Variants in GAS7 observed in about 807,000 individuals in gnomAD.
GAS7 encodes the protein growth arrest-specific protein 7.
GAS7 carries 28 observed loss-of-function variants against 71.1 expected under a neutral mutation model. The observed-to-expected ratio is 0.39, with a 90% CI of 0.29 to 0.54. The LOEUF (loss-of-function observed/expected upper bound fraction) is 0.54. Among genes scored for constraint, GAS7 ranks in the 20% least tolerant of loss-of-function variants. The pLI, the probability that GAS7 is intolerant of heterozygous loss-of-function variation, is 0.62. For synonymous variants in GAS7, 258 were observed against 245.8 expected, an observed-to-expected ratio of 1.05 and a Z score of -0.46; for missense variants, 436 against 627.8, an observed-to-expected ratio of 0.69 and a Z score of 3.27.
chr17:9,989,502 A>ACATGTG (rs1225236672), intron 2 of GAS7, among the ~76,000 whole-genome samples: 6 of 152,168 alleles, frequency 3.9e-5, no homozygotes, highest in Non-Finnish European at 5.9e-5. Flanking sequence ...AGACACATGC[A>ACATGTG]CATGTGTATA....
At chr17:9,960,017 G>A (rs2069417219) in intron 4 of GAS7, among the ~76,000 whole-genome samples, 1 of 152,044 alleles carries the variant, frequency 6.6e-6, no homozygotes, top group Non-Finnish European at 1.5e-5. Flanking sequence ...GTTTGATTCT[G>A]GGTCTCTGTT....
intron 2 of GAS7, among the ~76,000 whole-genome samples, chr17:9,982,824 G>GGAAAGAAAGGAA (rs1555611352): frequency 8.6e-6 from 1 of 116,184 alleles, no homozygotes; most frequent in Non-Finnish European, 1.7e-5. Context: ...AGGAAAGAAA[G>GGAAAGAAAGGAA]GAAAGAAAGA....
chr17:10,156,714 A>AGCAGGCT (rs904531421), intron 1 of GAS7, among the ~76,000 whole-genome samples: 2 of 152,110 alleles, frequency 1.3e-5, no homozygotes, highest in Non-Finnish European at 2.9e-5. Context: ...GTTCCCTCCT[A>AGCAGGCT]GCAGGCTGCA....
chr17:10,069,478 CACT>C lies in GAS7; in HGVS notation c.184-49584_184-49582del, dbSNP rs60025467. On this transcript the variant is annotated intron_variant, in intron 1 of 13. Transcript: ENST00000432992. Reference sequence around the variant, plus strand: ...AATAAACACTTCACATAATAACCACCACTACTATGATGTTGGGTCAGGCCTTGG... The same window carrying C: ...AATAAACACTTCACATAATAACCACCACTATGATGTTGGGTCAGGCCTTGG... Among the ~76,000 whole-genome samples the C allele has an allele frequency of 8.7e-3, 1,324 of 152,318 alleles. 25 individuals are homozygous for C. Among genetic ancestry groups the C allele is most frequent in the African/African-American group, 0.03 (1,262 of 41,562 alleles).
chr17:9,912,029 G>A lies in GAS7; in HGVS notation c.*5199C>T, dbSNP rs1446920548. The A allele has an allele frequency of 4.3e-6, 1 of 232,096 alleles. No individual in the cohort carries two copies. Among genetic ancestry groups the A allele is most frequent in the Non-Finnish European group, 8.5e-6 (1 of 117,420 alleles). 14.4% of individuals were successfully genotyped at this position (232,096 alleles called of 1,614,324 possible). On this transcript the variant is annotated 3_prime_UTR_variant, in exon 14 of 14. Transcript: ENST00000432992. ...TAGGCAAGGCTCCAGCTGCGACAAG[G>A]ACTCCATCTTCACGCCTGTCCTGGC...
intron 1 of GAS7, among the ~76,000 whole-genome samples, chr17:10,071,983 T>C (rs1427350250): frequency 6.6e-6 from 1 of 151,050 alleles, no homozygotes; most frequent in African/African-American, 2.4e-5. Context: ...GATTCAGTTG[T>C]CTCTTGAAAA....
In GAS7 at chr17:9,935,013, A is replaced by G. The variant is rs142880149; in HGVS notation, c.807-769T>C. Among the ~76,000 whole-genome samples the G allele has an allele frequency of 7.7e-4, 117 of 152,282 alleles. 1 individual carries two copies. The highest frequency in any genetic ancestry group is 2.7e-3 in the African/African-American group (113 of 41,562). On this transcript the variant is annotated intron_variant, in intron 8 of 13. Transcript: ENST00000432992. ...AGGGGTTACCTCGGCCTCCCAAAGT[A>G]CTGGGATTACAGGCATAAGCCACCA...
At chr17:10,024,464 A>G (rs554603175) in intron 1 of GAS7, among the ~76,000 whole-genome samples, 63 of 152,342 alleles carry the variant, frequency 4.1e-4, no homozygotes, top group Admixed American at 1.3e-3. Flanking sequence ...GAGGTGACAC[A>G]GGCCCGGGGG....
chr17:9,977,392 C>A (rs934123403), intron 3 of GAS7, among the ~76,000 whole-genome samples: 6 of 152,158 alleles, frequency 3.9e-5, no homozygotes, highest in African/African-American at 1.4e-4. Context: ...ACATGAAACT[C>A]CCAGCATCTC....
At chr17:10,193,475 C>T (rs2074517497) in intron 1 of GAS7, among the ~76,000 whole-genome samples, 1 of 152,208 alleles carries the variant, frequency 6.6e-6, no homozygotes, top group South Asian at 2.1e-4. Flanking sequence ...CCCTCATAAC[C>T]GCACCTGTAC....
intron 11 of GAS7, among the ~76,000 whole-genome samples, 170 bp downstream of exon 11, chr17:9,925,306 T>TG (rs1240817440): frequency 1.3e-5 from 2 of 152,158 alleles, no homozygotes; most frequent in African/African-American, 4.8e-5. Flanking sequence ...TCTCTGGGTG[T>TG]GGGTCAGAGA....
chr17:10,123,472 A>G (rs554177237), intron 1 of GAS7, among the ~76,000 whole-genome samples: 1 of 152,334 alleles, frequency 6.6e-6, no homozygotes, highest in South Asian at 2.1e-4. Flanking sequence ...GAATGTACCC[A>G]TGCCTCTTGC....
chr17:9,966,915 A>C (rs9909249), intron 4 of GAS7, among the ~76,000 whole-genome samples: 109,700 of 152,112 alleles, frequency 0.72, 39,784 homozygotes, highest in Middle Eastern at 0.81. Context: ...GCTTTTATAT[A>C]CAAATGTTAC....
At chr17:10,062,688 T>C (rs1008657181) in intron 1 of GAS7, among the ~76,000 whole-genome samples, 1 of 152,224 alleles carries the variant, frequency 6.6e-6, no homozygotes, top group African/African-American at 2.4e-5. Context: ...ATAACACAGC[T>C]AATTCTGCTT....
chr17:10,070,715 C>A (rs571674041), intron 1 of GAS7, among the ~76,000 whole-genome samples: 1 of 152,066 alleles, frequency 6.6e-6, no homozygotes, highest in South Asian at 2.1e-4. Flanking sequence ...TACCAGGCTA[C>A]TAGCCTGGTC....
At position 9,914,109 on chromosome 17, in the gene GAS7, G is replaced by A. The variant is rs941246950; in HGVS notation, c.*3119C>T. ...CTAACCTTGATTTCAACCAGAAACG[G>A]GCCCCTGTTCATACGGATAGGGGTT... On this transcript the variant is annotated 3_prime_UTR_variant, in exon 14 of 14. Coordinates refer to ENST00000432992, the MANE Select transcript of GAS7 (RefSeq NM_201433.2). 1 of 227,824 alleles carries A rather than the reference G, an allele frequency of 4.4e-6. No homozygotes were observed. The highest frequency in any genetic ancestry group is 2.2e-5 in the African/African-American group (1 of 44,982). 14.1% of individuals were successfully genotyped at this position (227,824 alleles called of 1,614,324 possible).
intron 1 of GAS7, among the ~76,000 whole-genome samples, chr17:10,155,729 G>A (rs1219253718): frequency 2.0e-5 from 3 of 152,188 alleles, no homozygotes; most frequent in Non-Finnish European, 2.9e-5. Flanking sequence ...CAGTGTCGGA[G>A]ACCCTAAGGG....
At chr17:10,010,081 G>C (rs948828714) in intron 2 of GAS7, among the ~76,000 whole-genome samples, 1 of 152,060 alleles carries the variant, frequency 6.6e-6, no homozygotes. Flanking sequence ...AGATAGCTTG[G>C]ATCAAGTCCC....
At chr17:10,040,918 T>A (rs1167767144) in intron 1 of GAS7, among the ~76,000 whole-genome samples, 7 of 151,976 alleles carry the variant, frequency 4.6e-5, no homozygotes, top group Non-Finnish European at 4.4e-5. Context: ...TCCCAACACT[T>A]TGGGAGGCCG....
Sources: gnomAD v4.1 joint callset for allele counts (sites outside exome capture counted in the v4.1 genomes callset) on GRCh38, gnomAD v4.1.1 for gene constraint, MANE v1.5 for transcripts, NCBI Gene and HGNC (gene_info 2026-07-23, HGNC 2026-07-21) for gene names.